The following MYO6 variants were observed in gnomAD, a reference collection of about 807,000 sequenced individuals.
MYO6 encodes myosin VI, also known as unconventional myosin-VI.
Under a neutral mutation model 178.7 loss-of-function variants are expected in MYO6, and 74 were observed. That is an observed-to-expected ratio of 0.41 (90% CI 0.34 to 0.50). MYO6 has a LOEUF of 0.50. MYO6 is among the 20% of genes least tolerant of loss of function. MYO6 has a pLI of 0.09. For missense variants in MYO6, 1,330 were observed against 1,547.4 expected, an observed-to-expected ratio of 0.86 and a Z score of 2.36; for synonymous variants, 477 against 504.6, an observed-to-expected ratio of 0.95 and a Z score of 0.73.
At chr6:75,777,810 GA>G (rs1325653674) in intron 1 of MYO6, among the ~76,000 whole-genome samples, 2 of 151,996 alleles carry the variant, frequency 1.3e-5, no homozygotes, top group Non-Finnish European at 2.9e-5. Flanking sequence ...ATAATACAAA[GA>G]AAAAAGTATT....
chr6:75,809,704 C>T (rs1315015337), intron 1 of MYO6, among the ~76,000 whole-genome samples: 2 of 151,564 alleles, frequency 1.3e-5, no homozygotes, highest in African/African-American at 2.4e-5. Context: ...TCTGATTGGC[C>T]GTTGAAAGAG....
At chr6:75,786,658 T>TG (rs1260885344) in intron 1 of MYO6, among the ~76,000 whole-genome samples, 4 of 152,230 alleles carry the variant, frequency 2.6e-5, no homozygotes, top group Non-Finnish European at 5.9e-5. Context: ...CTGCAAGGGC[T>TG]GTACTGTACA....
At position 75,886,832 on chromosome 6, in the gene MYO6, T is replaced by C; in HGVS notation, c.2508-12T>C. ...GATGAAATTAAGCTCTAATGAAGTA[T>C]TATTTTTACAGCATTGATGGTCTGG... is the stretch of plus-strand genomic sequence containing the variant. On this transcript the variant is annotated splice_polypyrimidine_tract_variant and intron_variant, in intron 24 of 34. Coordinates refer to ENST00000369977, the MANE Select transcript of MYO6 (RefSeq NM_004999.4). 1.9e-6 allele frequency: 3 copies of C among 1,613,158 alleles called. No homozygotes were observed. The highest frequency in any genetic ancestry group is 1.1e-5 in the South Asian group (1 of 91,064).
intron 7 of MYO6, among the ~76,000 whole-genome samples, chr6:75,839,457 G>A (rs1184750488): frequency 6.6e-6 from 1 of 152,124 alleles, no homozygotes; most frequent in Non-Finnish European, 1.5e-5. Context: ...CAGAGTGCTG[G>A]GATTACAGGC....
At chr6:75,787,703 TCTCTCTCTCTCTCTCTCTCTCTC>T (rs1562157937) in intron 1 of MYO6, among the ~76,000 whole-genome samples, 2 of 69,922 alleles carry the variant, frequency 2.9e-5, no homozygotes, top group Non-Finnish European at 5.9e-5. Context: ...TCTCTCTCTC[TCTCTCTCTCTCTCTCTCTCTCTC>T]TCTCTATATA....
chr6:75,862,501 A>T lies in MYO6; in HGVS notation c.1547-95A>T, dbSNP rs542789217. 105 of 1,115,932 alleles carry T rather than the reference A, an allele frequency of 9.4e-5. 1 individual carries two copies. The South Asian group carries it at 1.3e-3, about 14-fold the overall frequency. The allele number at this position is 1,115,932 out of a possible 1,614,324, so 69.1% of individuals were successfully genotyped here. A position where few individuals can be genotyped will look rare whatever the true frequency, so the allele number is the denominator to read the frequency against. On this transcript the variant is annotated intron_variant, in intron 15 of 34. Coordinates refer to ENST00000369977, the MANE Select transcript of MYO6 (RefSeq NM_004999.4). ...AGAATCACATGCTATGTTGTTTCTG[A>T]TCAGTCCTTGAAATCTGTGATTAGT...
chr6:75,760,626 A>C (rs1009373330), intron 1 of MYO6, among the ~76,000 whole-genome samples: 2 of 152,122 alleles, frequency 1.3e-5, no homozygotes, highest in Non-Finnish European at 2.9e-5. Context: ...TAAAAAAAAA[A>C]CAAATATGTT....
chr6:75,848,625 T>A, intron 11 of MYO6, 94 bp downstream of exon 11: 5 of 1,251,634 alleles, frequency 4.0e-6, no homozygotes, highest in Non-Finnish European at 4.5e-6. Context: ...TGCAGTTTGC[T>A]TAAAAACTTT....
intron 1 of MYO6, among the ~76,000 whole-genome samples, chr6:75,790,741 TA>T (rs1009968869): frequency 1.3e-5 from 2 of 152,172 alleles, no homozygotes; most frequent in Non-Finnish European, 2.9e-5. Flanking sequence ...TTTTAGTATA[TA>T]TTTTTTGGAT....
chr6:75,904,896 A>G (rs1337614700), intron 30 of MYO6, among the ~76,000 whole-genome samples: 1 of 152,040 alleles, frequency 6.6e-6, no homozygotes, highest in South Asian at 2.1e-4. Flanking sequence ...TGATGTGCAG[A>G]TGGGTTTTTG....
chr6:75,915,161 T>G lies in MYO6; in HGVS notation c.*149T>G, dbSNP rs1259271673. The G allele has an allele frequency of 2.4e-6, 2 of 832,898 alleles. No homozygotes were observed. The allele number at this position is 832,898 out of a possible 1,614,324, so 51.6% of individuals were successfully genotyped here. On this transcript the variant is annotated 3_prime_UTR_variant, in exon 35 of 35. Coordinates refer to ENST00000369977, the MANE Select transcript of MYO6 (RefSeq NM_004999.4). Reference sequence around the variant, plus strand: ...TAATCACGGCTTTTGGTGAATTTGTTTAAGGTTAATTATGGTAGCAAATTT... The same window carrying G: ...TAATCACGGCTTTTGGTGAATTTGTGTAAGGTTAATTATGGTAGCAAATTT...
At chr6:75,794,749 T>TA (rs11295457) in intron 1 of MYO6, among the ~76,000 whole-genome samples, 46 of 139,250 alleles carry the variant, frequency 3.3e-4, no homozygotes, top group South Asian at 8.9e-4. Context: ...ATAAAAAAAA[T>TA]AAAAAAAAAA....
chr6:75,908,711 T>C (rs1780537153), intron 32 of MYO6, 84 bp downstream of exon 32: 1 of 1,457,386 alleles, frequency 6.9e-7, no homozygotes, highest in Non-Finnish European at 9.6e-7. Context: ...GGGTAAAATG[T>C]CCCATATAAA....
chr6:75,796,329 TC>T (rs1208517223), intron 1 of MYO6, among the ~76,000 whole-genome samples: 1 of 152,202 alleles, frequency 6.6e-6, no homozygotes, highest in Non-Finnish European at 1.5e-5. Flanking sequence ...CATACTTTTT[TC>T]CCCCTTCTTC....
intron 12 of MYO6, among the ~76,000 whole-genome samples, chr6:75,856,237 C>T (rs971867695): frequency 2.0e-5 from 3 of 152,080 alleles, no homozygotes; most frequent in African/African-American, 7.2e-5. Context: ...GCATTGCTTC[C>T]TCCATTTTCC....
At chr6:75,863,750 C>T (rs2149301971) in intron 16 of MYO6, among the ~76,000 whole-genome samples, 1 of 152,156 alleles carries the variant, frequency 6.6e-6, no homozygotes, top group Admixed American at 6.5e-5. Context: ...TCCCAAAGTG[C>T]TGGGATTACA....
intron 30 of MYO6, among the ~76,000 whole-genome samples, chr6:75,903,377 C>G (rs1394323802): frequency 2.0e-5 from 3 of 151,724 alleles, no homozygotes; most frequent in Non-Finnish European, 2.9e-5. Flanking sequence ...CTTTGTAGGT[C>G]ACTCAGGACT....
intron 31 of MYO6, 36 bp from the exon 32 acceptor site, chr6:75,908,460 T>A (rs1213082740): frequency 6.2e-7 from 1 of 1,600,932 alleles, no homozygotes; most frequent in Admixed American, 1.7e-5. Context: ...TAAATTAACA[T>A]GTCAATTTTT....
intron 15 of MYO6, among the ~76,000 whole-genome samples, chr6:75,861,751 T>A (rs767990337): frequency 1.3e-5 from 2 of 152,164 alleles, no homozygotes; most frequent in East Asian, 3.8e-4. Context: ...AAACATAGTA[T>A]AATAATAATA....
Sources: gnomAD v4.1 joint callset for allele counts (sites outside exome capture counted in the v4.1 genomes callset) on GRCh38, gnomAD v4.1.1 for gene constraint, MANE v1.5 for transcripts, NCBI Gene and HGNC (gene_info 2026-07-23, HGNC 2026-07-21) for gene names.